Variants in PUM1 observed in about 807,000 individuals in gnomAD.
PUM1 encodes the protein pumilio homolog 1.
In PUM1, 13 loss-of-function variants were observed where a neutral mutation model predicts 131.8. The ratio of observed to expected loss-of-function variants is 0.10; its 90% CI spans 0.06 to 0.16. PUM1 has a LOEUF of 0.16. Ranked by LOEUF, PUM1 falls within the 10% of genes least tolerant of loss-of-function variation. PUM1 has a pLI of 1.00. For synonymous variants in PUM1, 509 were observed against 556.5 expected (o/e 0.91, Z 1.20); for missense variants, 961 against 1,512.4 (o/e 0.64, Z 6.05).
chr1:31,008,125 C>T (rs889128675), intron 3 of PUM1, among the ~76,000 whole-genome samples: 1 of 152,158 alleles, frequency 6.6e-6, no homozygotes, highest in Non-Finnish European at 1.5e-5. Context: ...CCAGAAAGCA[C>T]AAAACATTTC....
intron 2 of PUM1, among the ~76,000 whole-genome samples, chr1:31,048,985 C>G (rs1451099856): frequency 6.6e-6 from 1 of 151,978 alleles, no homozygotes; most frequent in East Asian, 2.0e-4. Flanking sequence ...GCGGGTAGAT[C>G]ACCTGAGGTC....
intron 14 of PUM1, 104 bp from the exon 15 acceptor site, chr1:30,954,085 C>A: frequency 1.6e-6 from 2 of 1,216,636 alleles, no homozygotes; most frequent in Non-Finnish European, 2.3e-6. Flanking sequence ...TTTCTGATTT[C>A]TTCAATGCTG....
chr1:30,993,706 G>A (rs954907916), intron 6 of PUM1, among the ~76,000 whole-genome samples: 4 of 152,152 alleles, frequency 2.6e-5, no homozygotes, highest in Non-Finnish European at 4.4e-5. Context: ...TCAAGGTGGA[G>A]AGGACACCTG....
At chr1:31,033,982 G>T (rs1422613121) in intron 2 of PUM1, among the ~76,000 whole-genome samples, 1 of 152,090 alleles carries the variant, frequency 6.6e-6, no homozygotes, top group East Asian at 1.9e-4. Context: ...AAGGAATTCT[G>T]AATTGTAAGA....
chr1:30,963,379 C>T (rs1215286468), intron 14 of PUM1, among the ~76,000 whole-genome samples: 1 of 152,116 alleles, frequency 6.6e-6, no homozygotes, highest in African/African-American at 2.4e-5. Context: ...TCAGGAATGT[C>T]ACAGTAACTT....
At chr1:31,044,213 A>G (rs1183764279) in intron 2 of PUM1, among the ~76,000 whole-genome samples, 2 of 152,090 alleles carry the variant, frequency 1.3e-5, no homozygotes, top group Non-Finnish European at 1.5e-5. Context: ...CATCCTGGCT[A>G]ACACTGTGAA....
chr1:30,950,681 A>C (rs898304454), intron 16 of PUM1, among the ~76,000 whole-genome samples: 2 of 152,228 alleles, frequency 1.3e-5, no homozygotes, highest in Non-Finnish European at 2.9e-5. Context: ...CCAACATGGC[A>C]AAATCCTGCC....
intron 3 of PUM1, among the ~76,000 whole-genome samples, chr1:31,011,164 T>TACACACACACACACACACAC (rs138764103): frequency 1.7e-4 from 25 of 143,076 alleles, no homozygotes; most frequent in Middle Eastern, 3.5e-3. Flanking sequence ...TCTCTTAAAA[T>TACACACACACACACACACAC]ACACACACAC....
chr1:31,058,532 G>A (rs1399496272), intron 2 of PUM1, among the ~76,000 whole-genome samples: 1 of 151,954 alleles, frequency 6.6e-6, no homozygotes, highest in Non-Finnish European at 1.5e-5. Context: ...GCATGGTGCG[G>A]GCACCTGTAG....
chr1:30,942,194 TATATATATATATATATATATATA>T lies in PUM1; in HGVS notation c.2995-94_2995-72del, dbSNP rs1639471755. 236 of 163,682 alleles carry T rather than the reference TATATATATATATATATATATATA, an allele frequency of 1.4e-3. 35 individuals carry two copies. The Middle Eastern group carries it at 0.058, about 40-fold the overall frequency. The allele number at this position is 163,682 out of a possible 1,614,324, so 10.1% of individuals were successfully genotyped here. On this transcript the variant is annotated intron_variant, in intron 18 of 21. Coordinates refer to ENST00000426105, the MANE Select transcript of PUM1 (RefSeq NM_001020658.2). ...ACCTTCAATGCTTCAGTATTGTTTA[TATATATATATATATATATATATA>T]TATATATATATATATATATGTATTA...
chr1:30,989,797 A>G (rs1191037894), intron 7 of PUM1, among the ~76,000 whole-genome samples: 1 of 152,146 alleles, frequency 6.6e-6, no homozygotes, highest in Non-Finnish European at 1.5e-5. Flanking sequence ...ATCTTACTCT[A>G]TTCATGAAAG....
At chr1:30,945,120 G>C (rs1244579641) in intron 18 of PUM1, among the ~76,000 whole-genome samples, 1 of 152,128 alleles carries the variant, frequency 6.6e-6, no homozygotes, top group Non-Finnish European at 1.5e-5. Context: ...TGTAATTCCA[G>C]CTACTTGGGA....
At chr1:31,059,915 C>T (rs1009614627) in intron 1 of PUM1, among the ~76,000 whole-genome samples, 8 of 151,508 alleles carry the variant, frequency 5.3e-5, no homozygotes, top group Admixed American at 1.3e-4. Flanking sequence ...GACGCGATCT[C>T]GGCTCACTAC....
intron 9 of PUM1, among the ~76,000 whole-genome samples, chr1:30,975,149 TTTGCG>T (rs1384141794): frequency 1.3e-5 from 2 of 151,974 alleles, no homozygotes; most frequent in East Asian, 3.9e-4. Flanking sequence ...AAATGGAGGG[TTTGCG>T]TGCTTAAAGT....
At chr1:30,954,439 A>G (rs1421510247) in intron 14 of PUM1, among the ~76,000 whole-genome samples, 1 of 152,182 alleles carries the variant, frequency 6.6e-6, no homozygotes, top group African/African-American at 2.4e-5. Context: ...AAAATCAGGC[A>G]TCCAGATTGG....
rs758930335 is a variant in PUM1, at chr1:31,005,946, G to A, written c.627C>T (p.Ser209=). ...CTAGTCCCCCACTCTCCGATCGTGGGGACAGTACAGAATTGACCTCACTGT... is the reference window on the plus strand; with the variant it reads ...CTAGTCCCCCACTCTCCGATCGTGGAGACAGTACAGAATTGACCTCACTGT... ...HVNSEVNSVL[S]PRSESGGLGV... The change falls in exon 5 of 22, where the codon TCC becomes TCT. Residue 209 remains serine (S), a synonymous_variant. Transcript: ENST00000426105. 3 of 1,613,856 alleles carry A rather than the reference G, an allele frequency of 1.9e-6. No homozygotes were observed. The highest frequency in any genetic ancestry group is 8.5e-7 in the Non-Finnish European group (1 of 1,179,934).
At chr1:30,994,233 T>C (rs1377055358) in intron 6 of PUM1, among the ~76,000 whole-genome samples, 1 of 152,128 alleles carries the variant, frequency 6.6e-6, no homozygotes, top group Non-Finnish European at 1.5e-5. Flanking sequence ...GACATTAGAA[T>C]AAGCAGAGGG....
intron 5 of PUM1, among the ~76,000 whole-genome samples, chr1:31,001,078 T>C (rs184226964): frequency 6.6e-6 from 1 of 152,230 alleles, no homozygotes; most frequent in East Asian, 1.9e-4. Flanking sequence ...TCCCAGCTAC[T>C]CTGCAGGTTG....
chr1:31,065,706 T>C lies in PUM1; in HGVS notation c.-102A>G. The C allele has an allele frequency of 6.5e-7, 1 of 1,548,896 alleles. No individual in the cohort carries two copies. Among genetic ancestry groups the C allele is most frequent in the Non-Finnish European group, 8.7e-7 (1 of 1,146,590 alleles). ...CCCCTTACCTTTCACTCCGACAACA[T>C]GGCGGCCCACTGGGGACTGGGTTGG... On this transcript the variant is annotated 5_prime_UTR_variant, in exon 1 of 22. It removes an upstream start codon present in the reference 5' UTR. Transcript: ENST00000426105.
Sources: allele counts gnomAD v4.1 joint callset (sites outside exome capture counted in the v4.1 genomes callset), GRCh38; gene constraint gnomAD v4.1.1; transcripts MANE v1.5; gene names NCBI Gene and HGNC (gene_info 2026-07-23, HGNC 2026-07-21).